The following CXADR variants were observed in gnomAD, a reference collection of about 807,000 sequenced individuals.
The protein encoded by CXADR is CXADR cell adhesion molecule.
CXADR carries 20 observed loss-of-function variants against 40.3 expected under a neutral mutation model. The observed-to-expected ratio is 0.50, with a 90% CI of 0.35 to 0.72. The LOEUF (loss-of-function observed/expected upper bound fraction) is 0.72, where lower values mean the gene tolerates loss of function less well. CXADR is among the 30% of genes least tolerant of loss of function. CXADR has a pLI of 0.01. For missense variants in CXADR, 332 were observed against 449.1 expected (o/e 0.74, Z 2.36); for synonymous variants, 150 against 161.3 (o/e 0.93, Z 0.53).
chr21:17,602,360 A>C, the CXADR span, among the ~76,000 whole-genome samples: 4 of 152,170 alleles, frequency 2.6e-5, no homozygotes, highest in Non-Finnish European at 5.9e-5. Flanking sequence ...AGTGCATCTC[A>C]ATTTTTTTTT....
chr21:17,632,613 A>C, the CXADR span, among the ~76,000 whole-genome samples: 1 of 151,934 alleles, frequency 6.6e-6, no homozygotes, highest in African/African-American at 2.4e-5. Flanking sequence ...CACGCCTGTA[A>C]TGCCAGCACT....
At chr21:17,546,880 T>A (rs1427421550) in intron 1 of CXADR, 147 bp from the exon 2 acceptor site, 2 of 775,956 alleles carry the variant, frequency 2.6e-6, no homozygotes, top group Non-Finnish European at 4.1e-6. Flanking sequence ...AAACTGGGCA[T>A]CTCTTGAGTT....
rs1252349440 is a variant in CXADR at position 17,567,704 on chromosome 21, AG to A, written c.*2013del. The A allele has an allele frequency of 1.1e-6, 1 of 873,780 alleles. No homozygotes were observed. The highest frequency in any genetic ancestry group is 1.2e-4 in the East Asian group (1 of 8,340). 54.1% of individuals were successfully genotyped at this position (873,780 alleles called of 1,614,324 possible). On this transcript the variant is annotated 3_prime_UTR_variant, in exon 7 of 7. Coordinates refer to ENST00000284878, the MANE Select transcript of CXADR (RefSeq NM_001338.5). The stretch of plus-strand genomic sequence containing the variant: ...TGTTTGGCCTGTTTTATATGAATAA[AG>A]TTTATTTATAAAATATTATAAAAAA...
At chr21:17,590,454 C>T (rs1402758408) in intron 7 of CXADR, among the ~76,000 whole-genome samples, 1 of 151,876 alleles carries the variant, frequency 6.6e-6, no homozygotes, top group Non-Finnish European at 1.5e-5. Flanking sequence ...TGGACTAATG[C>T]TATTAAATTT....
the CXADR span, chr21:17,605,129 A>ATT: frequency 9.8e-7 from 1 of 1,025,276 alleles, no homozygotes; most frequent in African/African-American, 1.6e-5. Flanking sequence ...ACCTAGGAGC[A>ATT]TATCTATCCT....
At chr21:17,621,643 G>C in the CXADR span, among the ~76,000 whole-genome samples, 2 of 152,112 alleles carry the variant, frequency 1.3e-5, 1 homozygote, top group East Asian at 3.9e-4. Flanking sequence ...CTTTATAAAA[G>C]GGCTTGATGG....
chr21:17,628,993 C>T, the CXADR span, among the ~76,000 whole-genome samples: 4 of 152,174 alleles, frequency 2.6e-5, no homozygotes, highest in Non-Finnish European at 4.4e-5. Context: ...CACAGACTCA[C>T]CCTGAATGAT....
the CXADR span, among the ~76,000 whole-genome samples, chr21:17,631,633 A>T: frequency 6.6e-6 from 1 of 152,206 alleles, no homozygotes; most frequent in Non-Finnish European, 1.5e-5. Context: ...CATACCAAAT[A>T]TTCGTTCTCT....
the CXADR span, chr21:17,612,901 T>C: frequency 6.6e-6 from 1 of 150,916 alleles, no homozygotes; most frequent in African/African-American, 2.4e-5. Flanking sequence ...CGCACACGAG[T>C]GAGCGCAGCC....
chr21:17,598,899 G>T, the CXADR span: 1 of 1,153,684 alleles, frequency 8.7e-7, no homozygotes, highest in Non-Finnish European at 1.2e-6. Flanking sequence ...AAAACAAAGA[G>T]ATCTGGACAT....
the CXADR span, among the ~76,000 whole-genome samples, chr21:17,609,697 C>T: frequency 1.8e-4 from 27 of 152,314 alleles, no homozygotes; most frequent in East Asian, 1.4e-3. Flanking sequence ...CATATGTCCA[C>T]ACCAAAACCT....
At chr21:17,560,890 G>C in intron 5 of CXADR, 66 bp downstream of exon 5, 1 of 1,587,810 alleles carries the variant, frequency 6.3e-7, no homozygotes, top group Non-Finnish European at 8.6e-7. Flanking sequence ...CTTTAGTTCA[G>C]TCAGCAAGTG....
At chr21:17,570,142 T>C (rs2061265484), downstream of CXADR, 1 of 985,286 alleles carries the variant, frequency 1.0e-6, no homozygotes. Context: ...TTTTATACAG[T>C]GTCCACTAAA....
At chr21:17,588,470 G>A (rs907863552) in intron 7 of CXADR, among the ~76,000 whole-genome samples, 2 of 151,972 alleles carry the variant, frequency 1.3e-5, no homozygotes, top group Non-Finnish European at 2.9e-5. Context: ...GGTTGGATTC[G>A]TAGGTATTTT....
chr21:17,543,944 C>T (rs1230115521), intron 1 of CXADR, among the ~76,000 whole-genome samples: 2 of 152,094 alleles, frequency 1.3e-5, no homozygotes, highest in Non-Finnish European at 2.9e-5. Flanking sequence ...AGGAGGATTA[C>T]TTGAGCCTCA....
At chr21:17,534,112 T>A (rs1187654269) in intron 1 of CXADR, among the ~76,000 whole-genome samples, 11 of 83,520 alleles carry the variant, frequency 1.3e-4, no homozygotes, top group African/African-American at 3.9e-4. Flanking sequence ...TTTTTTTTTT[T>A]TTTTTTTTTT....
At chr21:17,590,420 G>T (rs150576880) in intron 7 of CXADR, among the ~76,000 whole-genome samples, 1 of 152,074 alleles carries the variant, frequency 6.6e-6, no homozygotes, top group East Asian at 1.9e-4. Context: ...AAGTATACAT[G>T]AAAGAACAAA....
At chr21:17,543,745 G>T (rs920625383) in intron 1 of CXADR, among the ~76,000 whole-genome samples, 4 of 152,108 alleles carry the variant, frequency 2.6e-5, no homozygotes, top group Non-Finnish European at 4.4e-5. Context: ...AGAGGTAGCC[G>T]CAATTTGCAA....
At chr21:17,593,999 T>G (rs1311115231), downstream of CXADR, 76 of 1,437,234 alleles carry the variant, frequency 5.3e-5, no homozygotes, top group Admixed American at 7.5e-5. Flanking sequence ...CCATCTAACT[T>G]CACTACTATT....
Sources: gnomAD v4.1 joint callset for allele counts (sites outside exome capture counted in the v4.1 genomes callset) on GRCh38, gnomAD v4.1.1 for gene constraint, MANE v1.5 for transcripts, NCBI Gene and HGNC (gene_info 2026-07-23, HGNC 2026-07-21) for gene names.